Variants in TTLL12 observed in about 807,000 individuals in gnomAD.
The protein encoded by TTLL12 is tubulin tyrosine ligase like 12.
In TTLL12, 77 loss-of-function variants were observed where a neutral mutation model predicts 79.6. The observed-to-expected ratio is 0.97, with a 90% CI of 0.81 to 1.17. TTLL12 has a LOEUF of 1.17. TTLL12 is among the 50% of genes most tolerant of loss of function. TTLL12 has a pLI of 0.00. For missense variants in TTLL12, 969 were observed against 895.9 expected (o/e 1.08, Z -1.04); for synonymous variants, 437 against 376.1 (o/e 1.16, Z -1.87).
At chr22:43,172,046 C>G in intron 10 of TTLL12, 146 bp from the exon 11 acceptor site, 1 of 720,940 alleles carries the variant, frequency 1.4e-6, no homozygotes, top group East Asian at 2.7e-5. Flanking sequence ...GTTCCCTTGT[C>G]TGTGTGGCTG....
intron 5 of TTLL12, among the ~76,000 whole-genome samples, chr22:43,176,679 G>A (rs567396299): frequency 1.3e-3 from 191 of 141,860 alleles, no homozygotes; most frequent in Non-Finnish European, 1.9e-3. Flanking sequence ...GTAGTGAGCC[G>A]AGATTGCGCC....
At chr22:43,185,961 C>T (rs1236046940) in intron 1 of TTLL12, 1 of 985,310 alleles carries the variant, frequency 1.0e-6, no homozygotes, top group Non-Finnish European at 1.2e-6. Context: ...GTGCCACTCA[C>T]TGCACGTTTC....
chr22:43,185,592 G>A (rs1176187624), intron 1 of TTLL12, among the ~76,000 whole-genome samples: 1 of 152,180 alleles, frequency 6.6e-6, no homozygotes, highest in Non-Finnish European at 1.5e-5. Flanking sequence ...CTGGGCAGGG[G>A]ACGTGGCACG....
In TTLL12 at chr22:43,167,153, T is replaced by TC. The variant is rs1273257831; in HGVS notation, c.*854dup. On this transcript the variant is annotated 3_prime_UTR_variant, in exon 14 of 14. Transcript: ENST00000216129. ...CTTTAACCTGAAGTTCTCATTGGAA[T>TC]CCTTTTCTGTCTGGCGCTCCACCGC... 1.9e-6 allele frequency: 1 copy of TC among 530,008 alleles called. No homozygotes were observed. Among genetic ancestry groups the TC allele is most frequent in the East Asian group, 5.5e-5 (1 of 18,290 alleles). 32.8% of individuals were successfully genotyped at this position (530,008 alleles called of 1,614,324 possible). A position where few individuals can be genotyped will look rare whatever the true frequency, so the allele number is the denominator to read the frequency against.
chr22:43,183,178 G>T (rs751764552), intron 1 of TTLL12, 29 bp from the exon 2 acceptor site: 1 of 1,611,848 alleles, frequency 6.2e-7, no homozygotes, highest in Admixed American at 1.7e-5. Flanking sequence ...GTCAGCAGGG[G>T]TGTGGGCAGG....
chr22:43,170,053 T>A, intron 11 of TTLL12: 1 of 360,206 alleles, frequency 2.8e-6, no homozygotes, highest in Non-Finnish European at 5.5e-6. Context: ...CTCAAGACTT[T>A]ACCCAAAACA....
In TTLL12 at chr22:43,171,827, G is replaced by T. The variant is rs2147067553; in HGVS notation, c.1567C>A (p.Leu523Met). The T allele has an allele frequency of 6.2e-7, 1 of 1,614,022 alleles. No individual in the cohort carries two copies. The highest frequency in any genetic ancestry group is 1.3e-5 in the African/African-American group (1 of 75,050). ...CCTCCCTCAGGCCCTACCTGCTTCA[G>T]CACCACATCCGGGTCATAGTTCATG... The part of the protein sequence containing the change: ...TVMNYDPDVV[L>M]KQVHCEEFIP... Residue 523 changes from leucine to methionine, a missense_variant, in exon 11 of 14, where the codon CTG becomes ATG. Leu to Met is a conservative substitution (Grantham distance 15). Coordinates refer to ENST00000216129, the MANE Select transcript of TTLL12 (RefSeq NM_015140.4).
intron 2 of TTLL12, among the ~76,000 whole-genome samples, chr22:43,182,080 C>T (rs897993053): frequency 7.2e-6 from 1 of 138,740 alleles, no homozygotes; most frequent in Admixed American, 7.3e-5. Flanking sequence ...GCTCCAAATC[C>T]AAGACTCTGG....
chr22:43,175,473 C>CAGGACTGG (rs1931881002), intron 6 of TTLL12: 2 of 152,308 alleles, frequency 1.3e-5, no homozygotes, highest in African/African-American at 4.8e-5. Flanking sequence ...TGTCGGTTTC[C>CAGGACTGG]AGGACTGGAT....
chr22:43,176,012 G>A (rs1353665688), intron 6 of TTLL12, among the ~76,000 whole-genome samples: 1 of 151,406 alleles, frequency 6.6e-6, no homozygotes, highest in Non-Finnish European at 1.5e-5. Context: ...TGAAACCTGG[G>A]AGGTGGAGGT....
At chr22:43,171,514 G>A (rs1244872134) in intron 11 of TTLL12, 1 of 289,866 alleles carries the variant, frequency 3.4e-6, no homozygotes, top group Non-Finnish European at 6.7e-6. Context: ...TGGTGGTGAG[G>A]AGTAAGCCCC....
intron 2 of TTLL12, 110 bp from the exon 3 acceptor site, chr22:43,181,050 G>T: frequency 8.0e-7 from 1 of 1,253,168 alleles, no homozygotes; most frequent in Non-Finnish European, 1.1e-6. Flanking sequence ...AGCTTCCTTA[G>T]ATTTGGTCTA....
rs1278819531 is a variant in TTLL12 at position 43,167,601 on chromosome 22, G to C, written c.*407C>G. ...ATACAGGGCTCCCAAACGCTTCCCG[G>C]TGGAACCCTGCTCCCGAGGACACCT... On this transcript the variant is annotated 3_prime_UTR_variant, in exon 14 of 14. Coordinates refer to ENST00000216129, the MANE Select transcript of TTLL12 (RefSeq NM_015140.4). The C allele has an allele frequency of 5.4e-6, 1 of 186,230 alleles. No homozygotes were observed. Among genetic ancestry groups the C allele is most frequent in the African/African-American group, 2.4e-5 (1 of 42,500 alleles). 11.5% of individuals were successfully genotyped at this position (186,230 alleles called of 1,614,324 possible). A position where few individuals can be genotyped will look rare whatever the true frequency, so the allele number is the denominator to read the frequency against.
rs753869886 is a variant in TTLL12 at position 43,179,876 on chromosome 22, G to A, written c.671C>T (p.Thr224Met). ...FFYMPQQVAY[T>M]LLWPLRDLDT... is the part of the protein sequence containing the mutation. Reference sequence around the variant, plus strand: ...CAGGTCCCTCAGGGGCCACAGCAGCGTGTAGGCCACCTGCTGCGGCATGTA... The same window carrying A: ...CAGGTCCCTCAGGGGCCACAGCAGCATGTAGGCCACCTGCTGCGGCATGTA... The change falls in exon 4 of 14, where the codon ACG becomes ATG. Residue 224 changes from threonine to methionine, a missense_variant. Coordinates refer to ENST00000216129, the MANE Select transcript of TTLL12 (RefSeq NM_015140.4). 24 of 1,609,366 alleles carry A rather than the reference G, an allele frequency of 1.5e-5. No homozygotes were observed. In the South Asian group the frequency reaches 1.9e-4, roughly 13 times the overall value.
intron 6 of TTLL12, 95 bp downstream of exon 6, chr22:43,176,225 G>A: frequency 1.1e-6 from 1 of 931,450 alleles, no homozygotes; most frequent in Non-Finnish European, 1.7e-6. Context: ...CGTGCCACGT[G>A]CCAAGCACTG....
Position 43,172,535 on chromosome 22 carries a change from T to C in TTLL12, c.1361A>G (p.Glu454Gly), listed in dbSNP as rs750883430. ...STPKVVSKYI[E>G]SPVLFLREDV... Reference sequence around the variant, plus strand: ...TTCTCGAAGGAACAACACGGGACTTTCGATGTACTTGGACACAACCTGGAG... The same window carrying C: ...TTCTCGAAGGAACAACACGGGACTTCCGATGTACTTGGACACAACCTGGAG... Residue 454 changes from glutamate (E) to glycine (G), a missense_variant, in exon 10 of 14, where the codon GAA (glutamate) becomes GGA (glycine). Coordinates refer to ENST00000216129, the MANE Select transcript of TTLL12 (RefSeq NM_015140.4). 1 of 1,614,048 alleles carries C rather than the reference T, an allele frequency of 6.2e-7. No individual in the cohort carries two copies. Among genetic ancestry groups the C allele is most frequent in the South Asian group, 1.1e-5 (1 of 91,078 alleles).
At chr22:43,168,549 G>A (rs1931677104) in intron 13 of TTLL12, among the ~76,000 whole-genome samples, 1 of 152,142 alleles carries the variant, frequency 6.6e-6, no homozygotes, top group South Asian at 2.1e-4. Flanking sequence ...CTCCTGTCCT[G>A]TGAGCTCTCC....
At chr22:43,184,288 T>C (rs1932127995) in intron 1 of TTLL12, among the ~76,000 whole-genome samples, 1 of 152,260 alleles carries the variant, frequency 6.6e-6, no homozygotes, top group Admixed American at 6.5e-5. Flanking sequence ...TTTTGTGCAC[T>C]GGGCAGGACT....
intron 5 of TTLL12, among the ~76,000 whole-genome samples, chr22:43,179,385 G>A (rs1056946107): frequency 5.3e-5 from 8 of 151,992 alleles, no homozygotes; most frequent in African/African-American, 1.7e-4. Context: ...CCCTGAGGAC[G>A]GATGCCAGCA....
Sources: gnomAD v4.1 joint callset for allele counts (sites outside exome capture counted in the v4.1 genomes callset) on GRCh38, gnomAD v4.1.1 for gene constraint, MANE v1.5 for transcripts, NCBI Gene and HGNC (gene_info 2026-07-23, HGNC 2026-07-21) for gene names.